SYNE1: variants seen among roughly 807,000 people sequenced by gnomAD.
The protein encoded by SYNE1 is nesprin-1.
SYNE1 carries 616 observed loss-of-function variants against 1,111.0 expected under a neutral mutation model. The observed-to-expected ratio is 0.55, with a 90% CI of 0.52 to 0.59. The LOEUF is 0.59. Ranked by LOEUF, SYNE1 falls within the 20% of genes least tolerant of loss-of-function variation. SYNE1 has a pLI of 0.00. For missense variants in SYNE1, 10,006 were observed against 10,417.0 expected (o/e 0.96, Z 1.72); for synonymous variants, 3,855 against 3,825.8 (o/e 1.01, Z -0.28).
chr6:152,604,378 C>T (rs1406279780), intron 3 of SYNE1, among the ~76,000 whole-genome samples: 1 of 152,142 alleles, frequency 6.6e-6, no homozygotes, highest in Non-Finnish European at 1.5e-5. Flanking sequence ...TCACAGCTCA[C>T]CGCAGCCTTG....
In SYNE1 at chr6:152,380,861, C is replaced by T. The variant is rs214958; in HGVS notation, c.9009+145G>A. ...ATATAAGAAAAGGAAACAAATCAGA[C>T]TTTGCTTATTTAATGAGATAAATAC... On this transcript the variant is annotated intron_variant, in intron 56 of 145. Transcript: ENST00000367255. The T allele has an allele frequency of 0.42, 323,389 of 776,354 alleles. 69,863 individuals are homozygous for T. The highest frequency in any genetic ancestry group is 0.47 in the Middle Eastern group (1,405 of 2,962). The allele number at this position is 776,354 out of a possible 1,614,324, so 48.1% of individuals were successfully genotyped here. A position where few individuals can be genotyped will look rare whatever the true frequency, so the allele number is the denominator to read the frequency against.
chr6:152,327,244 C>T (rs868741086), intron 78 of SYNE1, among the ~76,000 whole-genome samples: 2 of 151,662 alleles, frequency 1.3e-5, no homozygotes, highest in Admixed American at 6.6e-5. Context: ...GAGCTGAGAT[C>T]GTTTCACTGC....
At chr6:152,364,295 T>A (rs1419060045) in intron 63 of SYNE1, among the ~76,000 whole-genome samples, 1 of 152,138 alleles carries the variant, frequency 6.6e-6, no homozygotes, top group Non-Finnish European at 1.5e-5. Context: ...ATCTCAGGAA[T>A]GTCTTCCTAG....
At chr6:152,310,310 T>C (rs1206039604) in intron 89 of SYNE1, 86 bp downstream of exon 89, 8 of 1,555,562 alleles carry the variant, frequency 5.1e-6, no homozygotes, top group Middle Eastern at 1.8e-4. Context: ...TAAAACAGTG[T>C]TGAGTTTAGG....
At chr6:152,471,217 A>T (rs2098803926) in intron 16 of SYNE1, among the ~76,000 whole-genome samples, 1 of 152,210 alleles carries the variant, frequency 6.6e-6, no homozygotes, top group Non-Finnish European at 1.5e-5. Flanking sequence ...AACTAGTCAT[A>T]GTTGAATTTT....
intron 101 of SYNE1, among the ~76,000 whole-genome samples, chr6:152,259,951 G>C (rs2091700179): frequency 1.3e-5 from 2 of 152,144 alleles, no homozygotes; most frequent in Admixed American, 6.5e-5. Flanking sequence ...GAACAGTCCA[G>C]GTATTGTGGA....
At position 152,293,224 on chromosome 6, in the gene SYNE1, G is replaced by T. The variant is rs552652771; in HGVS notation, c.18012+364C>A. The stretch of plus-strand genomic sequence containing the variant: ...AACAATATCGAGAAAAGGTAGATTT[G>T]GAGTATATTTTATTCTTACAACAAT... On this transcript the variant is annotated intron_variant, in intron 95 of 145. Coordinates refer to ENST00000367255, the MANE Select transcript of SYNE1 (RefSeq NM_182961.4). Among the ~76,000 whole-genome samples, 220 of 152,286 alleles carry T rather than the reference G, an allele frequency of 1.4e-3. 2 individuals are homozygous for T. Among genetic ancestry groups the T allele is most frequent in the African/African-American group, 4.1e-3 (172 of 41,560 alleles).
chr6:152,192,832 T>C (rs963374282), intron 127 of SYNE1, among the ~76,000 whole-genome samples: 1 of 152,160 alleles, frequency 6.6e-6, no homozygotes, highest in Non-Finnish European at 1.5e-5. Flanking sequence ...TCTTTGTGTC[T>C]TTTTATAGTT....
chr6:152,421,459 C>T (rs1258007578), intron 39 of SYNE1, among the ~76,000 whole-genome samples: 1 of 151,796 alleles, frequency 6.6e-6, no homozygotes, highest in African/African-American at 2.4e-5. Context: ...TAAGTTGATC[C>T]TACTGTGATT....
Position 152,329,772 on chromosome 6 carries a change from T to C in SYNE1, c.14913A>G (p.Ser4971=), listed in dbSNP as rs2096200626. The change falls in exon 78 of 146, where the codon TCA becomes TCG. Residue 4971 remains serine (S), a synonymous_variant. Coordinates refer to ENST00000367255, the MANE Select transcript of SYNE1 (RefSeq NM_182961.4). ...ADLEHSLAEL[S]ELDGDIQEAL... Reference sequence around the variant, plus strand: ...CTTCCTGGATGTCTCCATCCAGCTCTGAGAGCTCAGCGAGGCTGTGTTCTA... The same window carrying C: ...CTTCCTGGATGTCTCCATCCAGCTCCGAGAGCTCAGCGAGGCTGTGTTCTA... 6.2e-7 allele frequency: 1 copy of C among 1,614,210 alleles called. No individual in the cohort carries two copies. The highest frequency in any genetic ancestry group is 8.5e-7 in the Non-Finnish European group (1 of 1,180,030).
chr6:152,318,739 C>T (rs1484371407), intron 85 of SYNE1, 124 bp downstream of exon 85: 1 of 1,100,834 alleles, frequency 9.1e-7, no homozygotes, highest in Non-Finnish European at 1.3e-6. Context: ...TCTTTACCAC[C>T]TGCTGTTACT....
rs779081729 is a variant in SYNE1, at chr6:152,471,590, G to T, written c.1632+7C>A. Reference sequence around the variant, plus strand: ...AGGAATTCTCTGTCAAAGCACGGGGGACTCACCACGTAGTTTTGTAGAAGC... The same window carrying T: ...AGGAATTCTCTGTCAAAGCACGGGGTACTCACCACGTAGTTTTGTAGAAGC... On this transcript the variant is annotated splice_region_variant and intron_variant, in intron 16 of 145. Coordinates refer to ENST00000367255, the MANE Select transcript of SYNE1 (RefSeq NM_182961.4). 2.5e-6 allele frequency: 4 copies of T among 1,613,344 alleles called. No homozygotes were observed. The highest frequency in any genetic ancestry group is 1.7e-5 in the Admixed American group (1 of 59,986).
chr6:152,541,368 G>A (rs2099268614), intron 3 of SYNE1, among the ~76,000 whole-genome samples: 1 of 152,120 alleles, frequency 6.6e-6, no homozygotes, highest in Admixed American at 6.6e-5. Flanking sequence ...TGTATTCCAA[G>A]GTATTTTATT....
At chr6:152,509,089 CAT>C (rs1034809717) in intron 8 of SYNE1, among the ~76,000 whole-genome samples, 4 of 151,934 alleles carry the variant, frequency 2.6e-5, no homozygotes, top group Admixed American at 2.0e-4. Context: ...AGTAATTTTA[CAT>C]GTTGTTTAGG....
chr6:152,528,984 C>T (rs2099181252), intron 4 of SYNE1, among the ~76,000 whole-genome samples: 1 of 152,134 alleles, frequency 6.6e-6, no homozygotes, highest in Non-Finnish European at 1.5e-5. Flanking sequence ...ATCCGAGTCA[C>T]TTAGTGTCTC....
At position 152,353,664 on chromosome 6, in the gene SYNE1, G is replaced by A; in HGVS notation, c.11007C>T (p.Ser3669=). ...GARAQEILDE[S]HVNSRMGCQA... ...GGCAACCCATTCTGCTGTTCACGTG[G>A]CTCTCGTCCAGTATCTCCTGAGCTC... is the stretch of plus-strand genomic sequence containing the variant. Residue 3669 remains serine (S), a synonymous_variant, in exon 68 of 146, where the codon AGC becomes AGT. Coordinates refer to ENST00000367255, the MANE Select transcript of SYNE1 (RefSeq NM_182961.4). 1 of 1,614,148 alleles carries A rather than the reference G, an allele frequency of 6.2e-7. No homozygotes were observed. Among genetic ancestry groups the A allele is most frequent in the South Asian group, 1.1e-5 (1 of 91,080 alleles).
chr6:152,323,346 G>A (rs1010520833), intron 82 of SYNE1, 132 bp downstream of exon 82: 90 of 1,365,224 alleles, frequency 6.6e-5, no homozygotes, highest in Non-Finnish European at 8.2e-5. Context: ...GGCTGAGGCA[G>A]GAGAATGGCG....
chr6:152,399,495 C>T (rs918503149), intron 48 of SYNE1, 121 bp downstream of exon 48: 30 of 1,222,264 alleles, frequency 2.5e-5, no homozygotes, highest in Non-Finnish European at 3.5e-5. Context: ...AAAGCACAAA[C>T]AAATTTGAAA....
intron 127 of SYNE1, among the ~76,000 whole-genome samples, chr6:152,194,571 T>C (rs2073586008): frequency 6.6e-6 from 1 of 152,224 alleles, no homozygotes; most frequent in Admixed American, 6.5e-5. Flanking sequence ...AAGTTCTCTG[T>C]TATCCCTTTG....
Sources: gnomAD v4.1 joint callset for allele counts (sites outside exome capture counted in the v4.1 genomes callset) on GRCh38, gnomAD v4.1.1 for gene constraint, MANE v1.5 for transcripts, NCBI Gene and HGNC (gene_info 2026-07-23, HGNC 2026-07-21) for gene names.